PROM1: variants seen among roughly 807,000 people sequenced by gnomAD.
The protein encoded by PROM1 is prominin 1.
Under a neutral mutation model 116.9 loss-of-function variants are expected in PROM1, and 105 were observed. The ratio of observed to expected loss-of-function variants is 0.90; its 90% CI spans 0.77 to 1.06. The LOEUF (loss-of-function observed/expected upper bound fraction) is 1.06. Ranked by LOEUF, PROM1 falls within the 50% of genes least tolerant of loss-of-function variation. PROM1 has a pLI of 0.00. For missense variants in PROM1, 1,122 were observed against 1,045.2 expected (o/e 1.07, Z -1.01); for synonymous variants, 393 against 387.0 (o/e 1.02, Z -0.18).
At chr4:15,989,974 G>C (rs1720581649) in intron 18 of PROM1, 150 bp from the exon 19 acceptor site, 4 of 648,758 alleles carry the variant, frequency 6.2e-6, no homozygotes, top group Non-Finnish European at 8.1e-6. Flanking sequence ...TGGTGTGAGG[G>C]ATAGTGCCAA....
intron 1 of PROM1, chr4:16,078,159 G>A (rs1368777463): frequency 1.3e-5 from 2 of 152,312 alleles, no homozygotes; most frequent in African/African-American, 4.8e-5. Context: ...TCCAGCATCT[G>A]GGAAGGGAAT....
In PROM1 at chr4:15,989,821, G is replaced by A. The variant is rs780368576; in HGVS notation, c.1987C>T (p.Pro663Ser). ...DLEAKANSLPPGNLRNSLKRD... is the reference protein window; with the variant it reads ...DLEAKANSLPSGNLRNSLKRD... Reference sequence around the variant, plus strand: ...TTCAGGGAGTTCCTCAAATTTCCTGGGGGCTACAAAAAGAATAAAAAACAA... The same window carrying A: ...TTCAGGGAGTTCCTCAAATTTCCTGAGGGCTACAAAAAGAATAAAAAACAA... Residue 663 changes from proline (P) to serine (S), a missense_variant, in exon 19 of 28, where the codon CCA (proline) becomes TCA (serine). Pro to Ser is a moderately conservative substitution (Grantham distance 74). Transcript: ENST00000447510. 1.9e-6 allele frequency: 3 copies of A among 1,598,686 alleles called. No individual in the cohort carries two copies. Among genetic ancestry groups the A allele is most frequent in the African/African-American group, 1.3e-5 (1 of 74,702 alleles).
chr4:16,033,563 A>AAACAGC, intron 4 of PROM1, 54 bp from the exon 5 acceptor site: 1 of 1,119,426 alleles, frequency 8.9e-7, no homozygotes, highest in Non-Finnish European at 1.3e-6. Flanking sequence ...TAATAAGTAG[A>AAACAGC]ACATTCCATG....
chr4:15,973,819 T>C (rs1024606585), intron 26 of PROM1, among the ~76,000 whole-genome samples: 12 of 152,176 alleles, frequency 7.9e-5, no homozygotes, highest in Non-Finnish European at 1.6e-4. Flanking sequence ...TGGCCCTGGC[T>C]AGCTGTAGAG....
intron 18 of PROM1, among the ~76,000 whole-genome samples, chr4:15,990,721 G>A (rs1720762840): frequency 6.6e-6 from 1 of 152,178 alleles, no homozygotes; most frequent in South Asian, 2.1e-4. Flanking sequence ...GGAGCCCAAA[G>A]CACCTCTCCC....
chr4:16,016,505 A>G (rs1728433162), intron 9 of PROM1, among the ~76,000 whole-genome samples: 2 of 152,244 alleles, frequency 1.3e-5, no homozygotes, highest in South Asian at 2.1e-4. Context: ...AATGTAATAT[A>G]TATGACTTCA....
intron 18 of PROM1, 41 bp downstream of exon 18, chr4:15,991,181 C>G (rs776697089): frequency 6.5e-7 from 1 of 1,530,620 alleles, no homozygotes; most frequent in South Asian, 1.2e-5. Context: ...CATTTGACAT[C>G]TACAACTACT....
intron 2 of PROM1, among the ~76,000 whole-genome samples, chr4:16,060,216 T>C (rs1428853059): frequency 6.6e-6 from 1 of 152,198 alleles, no homozygotes; most frequent in Non-Finnish European, 1.5e-5. Context: ...CCCTGCATTT[T>C]TTTTCCAAAT....
chr4:16,007,915 G>A (rs961603162), intron 12 of PROM1, among the ~76,000 whole-genome samples: 8 of 152,186 alleles, frequency 5.3e-5, no homozygotes, highest in Admixed American at 4.6e-4. Flanking sequence ...AGAGCCAGAT[G>A]GAGCTTCAAA....
intron 11 of PROM1, among the ~76,000 whole-genome samples, 198 bp downstream of exon 11, chr4:16,013,077 A>G (rs1727331873): frequency 6.6e-6 from 1 of 152,128 alleles, no homozygotes; most frequent in African/African-American, 2.4e-5. Context: ...GATGATGTTT[A>G]TCAGTGTTCA....
intron 2 of PROM1, among the ~76,000 whole-genome samples, chr4:16,055,860 G>A (rs1441106327): frequency 1.3e-5 from 2 of 152,078 alleles, no homozygotes; most frequent in Non-Finnish European, 2.9e-5. Flanking sequence ...GTATCTTTTG[G>A]CTAAGAATGT....
chr4:16,012,728 G>A (rs1204330688), intron 11 of PROM1, among the ~76,000 whole-genome samples: 1 of 151,808 alleles, frequency 6.6e-6, no homozygotes, highest in East Asian at 1.9e-4. Context: ...AAAATTAGCC[G>A]GGTGTGGTGG....
chr4:15,991,307 G>C lies in PROM1; in HGVS notation c.1912-14C>G. 1.3e-6 allele frequency: 2 copies of C among 1,565,678 alleles called. No homozygotes were observed. The highest frequency in any genetic ancestry group is 1.7e-6 in the Non-Finnish European group (2 of 1,157,962). On this transcript the variant is annotated splice_polypyrimidine_tract_variant and intron_variant, in intron 17 of 27. Transcript: ENST00000447510. ...GGATTTACCAGTCTACAATAGAAGT[G>C]AAAAAAATTGTCTTATGGATATGGG...
chr4:16,019,174 G>T (rs1002986095), intron 8 of PROM1, among the ~76,000 whole-genome samples: 2 of 152,188 alleles, frequency 1.3e-5, no homozygotes, highest in Non-Finnish European at 2.9e-5. Context: ...AAAGGCAGTG[G>T]TCTGTTTAAT....
intron 16 of PROM1, among the ~76,000 whole-genome samples, chr4:15,993,268 G>C (rs1426198073): frequency 1.3e-5 from 2 of 152,118 alleles, no homozygotes; most frequent in Non-Finnish European, 2.9e-5. Flanking sequence ...TCTCATTCTG[G>C]AAACCCAAAA....
intron 2 of PROM1, among the ~76,000 whole-genome samples, chr4:16,047,802 T>A (rs2149454335): frequency 6.6e-6 from 1 of 152,148 alleles, no homozygotes; most frequent in South Asian, 2.1e-4. Flanking sequence ...CTATCATTAA[T>A]GACAACTGCT....
intron 11 of PROM1, among the ~76,000 whole-genome samples, chr4:16,012,566 A>C (rs1210389614): frequency 6.6e-6 from 1 of 152,102 alleles, no homozygotes; most frequent in Non-Finnish European, 1.5e-5. Flanking sequence ...TTTACACAGT[A>C]TTCCTTTAAA....
intron 2 of PROM1, among the ~76,000 whole-genome samples, chr4:16,053,299 TTC>T (rs1396683405): frequency 6.6e-6 from 1 of 152,240 alleles, no homozygotes; most frequent in Non-Finnish European, 1.5e-5. Flanking sequence ...TTGGACCTCT[TTC>T]TGTTTTTCTC....
chr4:15,993,251 T>A (rs1033335135), intron 16 of PROM1, among the ~76,000 whole-genome samples: 1 of 152,206 alleles, frequency 6.6e-6, no homozygotes, highest in African/African-American at 2.4e-5. Flanking sequence ...GATCCCTTTG[T>A]TTCTGCTCTC....
Sources: allele counts gnomAD v4.1 joint callset (sites outside exome capture counted in the v4.1 genomes callset), GRCh38; gene constraint gnomAD v4.1.1; transcripts MANE v1.5; gene names NCBI Gene and HGNC (gene_info 2026-07-23, HGNC 2026-07-21).